Variants in PLK4 observed in about 807,000 individuals in gnomAD.
PLK4 encodes serine/threonine-protein kinase PLK4.
PLK4 carries 51 observed loss-of-function variants against 103.0 expected under a neutral mutation model. The ratio of observed to expected loss-of-function variants is 0.50; its 90% CI spans 0.40 to 0.63. The LOEUF is 0.63. Ranked by LOEUF, PLK4 falls within the 20% of genes least tolerant of loss-of-function variation. PLK4 has a pLI of 0.00. For synonymous variants in PLK4, 389 were observed against 376.8 expected (o/e 1.03, Z -0.38); for missense variants, 1,054 against 1,151.0 (o/e 0.92, Z 1.22).
chr4:127,888,756 CATATG>C (rs1735240101), intron 6 of PLK4, among the ~76,000 whole-genome samples: 1 of 151,992 alleles, frequency 6.6e-6, no homozygotes, highest in Non-Finnish European at 1.5e-5. Context: ...ATAAAAGAGA[CATATG>C]GAGAGGAGGA....
intron 15 of PLK4, among the ~76,000 whole-genome samples, chr4:127,897,445 C>T (rs1320328726): frequency 1.3e-5 from 2 of 152,172 alleles, no homozygotes; most frequent in African/African-American, 2.4e-5. Context: ...TATTTGCTTT[C>T]CTCATTTAAA....
Position 127,881,150 on chromosome 4 carries a change from G to C in PLK4, c.16G>C (p.Gly6Arg). The C allele has an allele frequency of 2.5e-6, 4 of 1,614,022 alleles. No individual in the cohort carries two copies. Among genetic ancestry groups the C allele is most frequent in the Non-Finnish European group, 3.4e-6 (4 of 1,180,024 alleles). The change falls in exon 1 of 16, where the codon GGG (glycine) becomes CGG (arginine). Residue 6 changes from glycine to arginine, a missense_variant. Transcript: ENST00000270861. ...GCCTGGAAATATGGCGACCTGCATC[G>C]GGGAGAAGATCGAGGTGAAAAGACT... MATCIGEKIEDFKVGN... is the reference protein window; with the variant it reads MATCIREKIEDFKVGN...
At chr4:127,884,594 A>T (rs1429084435) in intron 4 of PLK4, among the ~76,000 whole-genome samples, 1 of 152,200 alleles carries the variant, frequency 6.6e-6, no homozygotes. Flanking sequence ...ACCTGAGGTC[A>T]GGAGTTCGAG....
At position 127,881,939 on chromosome 4, in the gene PLK4, T is replaced by G. The variant is rs552131844; in HGVS notation, c.126+13T>G. Reference sequence around the variant, plus strand: ...TGCAATCAAAATGGTAAGAATAAACTAATCAACTTCTCTCCTGTACTTTGC... The same window carrying G: ...TGCAATCAAAATGGTAAGAATAAACGAATCAACTTCTCTCCTGTACTTTGC... On this transcript the variant is annotated intron_variant, in intron 2 of 15. Coordinates refer to ENST00000270861, the MANE Select transcript of PLK4 (RefSeq NM_014264.5). The G allele has an allele frequency of 2.5e-5, 35 of 1,404,998 alleles. No individual in the cohort carries two copies. The highest frequency in any genetic ancestry group is 1.8e-5 in the Non-Finnish European group (18 of 989,284). The allele number at this position is 1,404,998 out of a possible 1,614,324, so 87.0% of individuals were successfully genotyped here. A position where few individuals can be genotyped will look rare whatever the true frequency, so the allele number is the denominator to read the frequency against.
Position 127,883,645 on chromosome 4 carries a change from T to C in PLK4, c.337+92T>C, listed in dbSNP as rs141635986. ...TTTTGAGGAATATGCTATTTTATAA[T>C]ATATAGTAAAACTGTTTGAATTATT... On this transcript the variant is annotated intron_variant, in intron 4 of 15. Transcript: ENST00000270861. 2,641 of 598,774 alleles carry C rather than the reference T, an allele frequency of 4.4e-3. 16 individuals are homozygous for C. The highest frequency in any genetic ancestry group is 6.4e-3 in the South Asian group (274 of 42,682). The allele number at this position is 598,774 out of a possible 1,614,324, so 37.1% of individuals were successfully genotyped here.
Position 127,886,211 on chromosome 4 carries a change from G to C in PLK4, c.841G>C (p.Asp281His). The stretch of plus-strand genomic sequence containing the variant: ...AAGTAAAGATTTAGGAACTGTGGAA[G>C]ACTCAATTGATAGTGGGCATGCCAC... Reference protein sequence around the residue: ...TKSKDLGTVEDSIDSGHATIS... With the variant: ...TKSKDLGTVEHSIDSGHATIS... The change falls in exon 5 of 16, where the codon GAC (aspartate) becomes CAC (histidine). Residue 281 changes from aspartate (D) to histidine (H), a missense_variant. This residue lies in a region of PLK4 where 680 missense variants were observed against 660.3 expected (regional missense o/e 1.03). Transcript: ENST00000270861. 6.2e-7 allele frequency: 1 copy of C among 1,614,118 alleles called. No homozygotes were observed. The highest frequency in any genetic ancestry group is 8.5e-7 in the Non-Finnish European group (1 of 1,180,014).
Position 127,886,441 on chromosome 4 carries a change from G to A in PLK4, c.1071G>A (p.Arg357=), listed in dbSNP as rs1560693939. The change falls in exon 5 of 16, where the codon AGG becomes AGA. Residue 357 remains arginine (R), a synonymous_variant. Coordinates refer to ENST00000270861, the MANE Select transcript of PLK4 (RefSeq NM_014264.5). The stretch of plus-strand genomic sequence containing the variant: ...ATCAAGAAACCAGTAATAGTGGAAG[G>A]GGAAGAGTAATTCAAGATGCAGAAG... The part of the protein sequence containing the change: ...WGNQETSNSG[R]GRVIQDAEER... 6.2e-7 allele frequency: 1 copy of A among 1,614,128 alleles called. No individual in the cohort carries two copies. The highest frequency in any genetic ancestry group is 2.2e-5 in the East Asian group (1 of 44,880).
chr4:127,885,990 G>A lies in PLK4; in HGVS notation c.620G>A (p.Gly207Glu). The A allele has an allele frequency of 6.2e-7, 1 of 1,614,056 alleles. No individual in the cohort carries two copies. Among genetic ancestry groups the A allele is most frequent in the South Asian group, 1.1e-5 (1 of 91,068 alleles). ...TGTATGTTTTATACATTACTTATCGGGAGACCACCCTTCGACACTGACACA... is the reference window on the plus strand; with the variant it reads ...TGTATGTTTTATACATTACTTATCGAGAGACCACCCTTCGACACTGACACA... ...LGCMFYTLLI[G>E]RPPFDTDTVK... Residue 207 changes from glycine (G) to glutamate (E), a missense_variant, in exon 5 of 16, where the codon GGG becomes GAG. Physicochemically the swap from Gly to Glu is moderately conservative, Grantham distance 98. Coordinates refer to ENST00000270861, the MANE Select transcript of PLK4 (RefSeq NM_014264.5).
In PLK4 at chr4:127,890,183, C is replaced by T; in HGVS notation, c.1777C>T (p.Pro593Ser). 7 of 1,613,490 alleles carry T rather than the reference C, an allele frequency of 4.3e-6. No homozygotes were observed. Among genetic ancestry groups the T allele is most frequent in the Non-Finnish European group, 5.9e-6 (7 of 1,179,580 alleles). Residue 593 changes from proline to serine, a missense_variant, in exon 7 of 16, where the codon CCG (proline) becomes TCG (serine). By Grantham distance (74) the Pro-to-Ser change is moderately conservative (BLOSUM62 -1). Coordinates refer to ENST00000270861, the MANE Select transcript of PLK4 (RefSeq NM_014264.5). ...TCGTACATTAAGAAGCATTACATCT[C>T]CGTTGGTTGCTCACAGGTTAAAACC... ...QNRTLRSITS[P>S]LVAHRLKPIR...
intron 14 of PLK4, among the ~76,000 whole-genome samples, chr4:127,895,356 G>A (rs527793516): frequency 1.1e-4 from 16 of 151,164 alleles, no homozygotes; most frequent in African/African-American, 3.9e-4. Context: ...TAAAGTAGAG[G>A]TCATGATAAT....
chr4:127,891,886 T>C, intron 9 of PLK4: 1 of 308,306 alleles, frequency 3.2e-6, no homozygotes, highest in South Asian at 1.5e-4. Flanking sequence ...GGTACTATAT[T>C]CTATTTAAAA....
At chr4:127,890,785 T>G (rs1176347992) in intron 7 of PLK4, among the ~76,000 whole-genome samples, 1 of 152,102 alleles carries the variant, frequency 6.6e-6, no homozygotes, top group African/African-American at 2.4e-5. Flanking sequence ...TACTTCCCAT[T>G]TCATCCTTGC....
intron 13 of PLK4, 143 bp downstream of exon 13, chr4:127,894,024 A>G (rs530234421): frequency 1.7e-6 from 1 of 579,016 alleles, no homozygotes; most frequent in Non-Finnish European, 3.1e-6. Flanking sequence ...CATACTATTT[A>G]TGTTTGAGCG....
chr4:127,886,217 A>T lies in PLK4; in HGVS notation c.847A>T (p.Ile283Phe). ...SKDLGTVEDSIDSGHATISTA... is the reference protein window; with the variant it reads ...SKDLGTVEDSFDSGHATISTA... ...AGATTTAGGAACTGTGGAAGACTCA[A>T]TTGATAGTGGGCATGCCACAATTTC... The change falls in exon 5 of 16, where the codon ATT becomes TTT. Residue 283 changes from isoleucine (I) to phenylalanine (F), a missense_variant. This residue lies in a region of PLK4 where 680 missense variants were observed against 660.3 expected (regional missense o/e 1.03). Transcript: ENST00000270861. The T allele has an allele frequency of 6.2e-7, 1 of 1,614,150 alleles. No homozygotes were observed.
At chr4:127,895,347 A>G (rs1451241000) in intron 14 of PLK4, among the ~76,000 whole-genome samples, 2 of 151,856 alleles carry the variant, frequency 1.3e-5, no homozygotes, top group Non-Finnish European at 2.9e-5. Context: ...ATTTGTTTTT[A>G]AAGTAGAGGT....
Position 127,886,692 on chromosome 4 carries a change from C to G in PLK4, c.1322C>G (p.Ser441Cys), listed in dbSNP as rs1353585741. 1.2e-6 allele frequency: 2 copies of G among 1,609,230 alleles called. No homozygotes were observed. The highest frequency in any genetic ancestry group is 8.5e-7 in the Non-Finnish European group (1 of 1,178,222). Residue 441 changes from serine (S) to cysteine (C), a missense_variant, in exon 5 of 16, where the codon TCT becomes TGT. Coordinates refer to ENST00000270861, the MANE Select transcript of PLK4 (RefSeq NM_014264.5). Reference sequence around the variant, plus strand: ...TTTAAAGAAAAGACATCCAGTAGTTCTGGATCTTTTGAAAGACCTGATAAC... The same window carrying G: ...TTTAAAGAAAAGACATCCAGTAGTTGTGGATCTTTTGAAAGACCTGATAAC... ...NFFKEKTSSS[S>C]GSFERPDNNQ...
intron 13 of PLK4, among the ~76,000 whole-genome samples, chr4:127,894,326 A>G (rs1006973198): frequency 2.6e-5 from 4 of 152,002 alleles, no homozygotes; most frequent in African/African-American, 9.7e-5. Context: ...TCCTGGGTTC[A>G]CGCCATTCTT....
At chr4:127,886,799 G>A (rs1349426789) in intron 5 of PLK4, 71 bp downstream of exon 5, 3 of 859,326 alleles carry the variant, frequency 3.5e-6, no homozygotes, top group African/African-American at 1.7e-5. Context: ...GAAGCTGCAT[G>A]TAAGCGGGGG....
chr4:127,891,723 A>G, intron 9 of PLK4, 42 bp downstream of exon 9: 3 of 726,586 alleles, frequency 4.1e-6, no homozygotes, highest in Non-Finnish European at 6.8e-6. Context: ...TAGTAGATTT[A>G]TATGTATATA....
Sources: gnomAD v4.1 joint callset for allele counts (sites outside exome capture counted in the v4.1 genomes callset) on GRCh38, gnomAD v4.1.1 for gene constraint, gnomAD v4.1.1 regional missense constraint, MANE v1.5 for transcripts, NCBI Gene and HGNC (gene_info 2026-07-23, HGNC 2026-07-21) for gene names.